Variants in HIVEP3 observed in about 807,000 individuals in gnomAD.
HIVEP3 encodes HIVEP zinc finger 3, also known as transcription factor HIVEP3.
A neutral mutation model predicts 152.8 loss-of-function variants in HIVEP3; 49 were observed. The observed-to-expected ratio is 0.32, with a 90% CI of 0.26 to 0.41. HIVEP3 has a LOEUF of 0.41. Among genes scored for constraint, HIVEP3 ranks in the 10% least tolerant of loss-of-function variants. The pLI is 1.00. For synonymous variants in HIVEP3, 1,269 were observed against 1,289.0 expected, an observed-to-expected ratio of 0.98 and a Z score of 0.33; for missense variants, 2,790 against 3,103.3, an observed-to-expected ratio of 0.90 and a Z score of 2.40.
intron 1 of HIVEP3, among the ~76,000 whole-genome samples, chr1:41,939,205 G>A (rs1645034407): frequency 3.3e-5 from 5 of 152,056 alleles, no homozygotes. Flanking sequence ...ATGGAAAGTT[G>A]ATCAATACAA....
At chr1:41,833,778 T>C (rs1047256943) in intron 1 of HIVEP3, among the ~76,000 whole-genome samples, 4 of 152,246 alleles carry the variant, frequency 2.6e-5, no homozygotes, top group Non-Finnish European at 5.9e-5. Context: ...CAAGTCATTC[T>C]GTGGGTGGTA....
chr1:41,639,179 A>C (rs1645333500), intron 2 of HIVEP3, among the ~76,000 whole-genome samples: 1 of 152,222 alleles, frequency 6.6e-6, no homozygotes, highest in African/African-American at 2.4e-5. Flanking sequence ...TGTGATCAAT[A>C]AGAAAACATG....
chr1:41,846,594 T>C (rs1206254641), intron 1 of HIVEP3, among the ~76,000 whole-genome samples: 2 of 152,262 alleles, frequency 1.3e-5, no homozygotes, highest in Non-Finnish European at 2.9e-5. Flanking sequence ...CAGAGGATTA[T>C]GTGATGTTTC....
At chr1:41,540,235 C>G (rs937982251) in intron 5 of HIVEP3, among the ~76,000 whole-genome samples, 2 of 152,222 alleles carry the variant, frequency 1.3e-5, no homozygotes, top group Non-Finnish European at 2.9e-5. Context: ...CAACCTGAGA[C>G]CTCGGTGTTC....
chr1:41,515,861 G>C (rs907006832), intron 7 of HIVEP3, among the ~76,000 whole-genome samples: 4 of 152,162 alleles, frequency 2.6e-5, no homozygotes, highest in African/African-American at 9.7e-5. Context: ...TTCAGCTCCT[G>C]TCATCCCATG....
chr1:41,509,201 A>G lies in HIVEP3; in HGVS notation c.*1250T>C, dbSNP rs1377857346. The G allele has an allele frequency of 6.6e-6, 1 of 152,196 alleles. No individual in the cohort carries two copies. The highest frequency in any genetic ancestry group is 1.5e-5 in the Non-Finnish European group (1 of 68,040). The allele number at this position is 152,196 out of a possible 1,614,324, so 9.4% of individuals were successfully genotyped here. ...AGAATCTGTGGTGGCTGGGTGAAGT[A>G]TCAAACACCATCCTCTCTCTTTTTA... On this transcript the variant is annotated 3_prime_UTR_variant, in exon 9 of 9. Coordinates refer to ENST00000372583, the MANE Select transcript of HIVEP3 (RefSeq NM_024503.5).
chr1:41,729,219 G>T (rs1646802685), intron 1 of HIVEP3, among the ~76,000 whole-genome samples: 1 of 152,236 alleles, frequency 6.6e-6, no homozygotes, highest in Admixed American at 6.5e-5. Context: ...GCACAGGGGT[G>T]ATCAGTAACC....
chr1:41,694,133 C>A (rs953694453), intron 2 of HIVEP3, among the ~76,000 whole-genome samples: 2 of 152,072 alleles, frequency 1.3e-5, no homozygotes, highest in African/African-American at 4.8e-5. Flanking sequence ...ATTTATAATA[C>A]CTTCTTCAGT....
chr1:41,749,910 T>C (rs1647133329), intron 1 of HIVEP3, among the ~76,000 whole-genome samples: 1 of 152,168 alleles, frequency 6.6e-6, no homozygotes, highest in African/African-American at 2.4e-5. Flanking sequence ...CTGCATGAAA[T>C]GTTACATGAG....
intron 5 of HIVEP3, among the ~76,000 whole-genome samples, chr1:41,540,566 C>T (rs1255042916): frequency 6.6e-6 from 1 of 152,156 alleles, no homozygotes; most frequent in Non-Finnish European, 1.5e-5. Flanking sequence ...ACAACAGGCA[C>T]CTTCTTACCC....
At chr1:42,030,875 T>C (rs1645609086) in intron 1 of HIVEP3, among the ~76,000 whole-genome samples, 2 of 152,200 alleles carry the variant, frequency 1.3e-5, no homozygotes, top group South Asian at 4.1e-4. Flanking sequence ...TTTTCTCCAT[T>C]TTTGTACATG....
Position 41,510,658 on chromosome 1 carries a change from C to G in HIVEP3, c.7014G>C (p.Pro2338=), listed in dbSNP as rs559361161. Residue 2338 remains proline (P), a synonymous_variant, in exon 9 of 9, where the codon CCG becomes CCC. Transcript: ENST00000372583. ...WSPRLESPRA[P]TNPEPSATPP... ...GGGTGGCAGAAGGCTCGGGGTTGGTCGGTGCACGCGGGGACTCCAAGCGGG... is the reference window on the plus strand; with the variant it reads ...GGGTGGCAGAAGGCTCGGGGTTGGTGGGTGCACGCGGGGACTCCAAGCGGG... 9.2e-5 allele frequency: 140 copies of G among 1,527,852 alleles called. 4 individuals carry two copies. In the Middle Eastern group the frequency reaches 1.2e-3, roughly 13 times the overall value. 94.6% of individuals were successfully genotyped at this position (1,527,852 alleles called of 1,614,324 possible).
chr1:41,938,069 CT>C (rs1031517636), intron 1 of HIVEP3, among the ~76,000 whole-genome samples: 12 of 152,192 alleles, frequency 7.9e-5, no homozygotes, highest in African/African-American at 2.9e-4. Context: ...ACATACTTTA[CT>C]TTCTGCATGG....
At position 41,918,188 on chromosome 1, in the gene HIVEP3, C is replaced by T. The variant is rs1395073327; in HGVS notation, c.-801+225G>A. Among the ~76,000 whole-genome samples, 1 of 142,220 alleles carries T rather than the reference C, an allele frequency of 7.0e-6. No homozygotes were observed. The highest frequency in any genetic ancestry group is 1.6e-5 in the Non-Finnish European group (1 of 62,702). 93.3% of individuals were successfully genotyped at this position (142,220 alleles called of 152,430 possible). A position where few individuals can be genotyped will look rare whatever the true frequency, so the allele number is the denominator to read the frequency against. On this transcript the variant is annotated intron_variant, in intron 1 of 8. Transcript: ENST00000372583. The surrounding 1 kb of genome is among the most constrained non-coding windows in gnomAD (Gnocchi z 4.3). ...CTCGCGCCGCTCCCCAGCACCAGGC[C>T]GAGCAGCGCGCTCAGCCCACCGGGG...
At position 41,753,670 on chromosome 1, in the gene HIVEP3, AAAATAAATAAAT is replaced by A. The variant is rs3064234; in HGVS notation, c.-800-52687_-800-52676del. Among the ~76,000 whole-genome samples, 272 of 141,068 alleles carry A rather than the reference AAAATAAATAAAT, an allele frequency of 1.9e-3. 2 individuals are homozygous for A. The highest frequency in any genetic ancestry group is 6.5e-3 in the African/African-American group (251 of 38,638). 92.5% of individuals were successfully genotyped at this position (141,068 alleles called of 152,430 possible). Reference sequence around the variant, plus strand: ...GACACAGGAGAGAAACGCCGTCTCAAAAATAAATAAATAAATAAATAAATAAATAAATAAATA... The same window carrying A: ...GACACAGGAGAGAAACGCCGTCTCAAAAATAAATAAATAAATAAATAAATA... On this transcript the variant is annotated intron_variant, in intron 1 of 8. Transcript: ENST00000372583.
rs1465098906 is a variant in HIVEP3 at position 41,510,479 on chromosome 1, G to A, written c.7193C>T (p.Pro2398Leu). 2.6e-6 allele frequency: 4 copies of A among 1,558,232 alleles called. No homozygotes were observed. The highest frequency in any genetic ancestry group is 3.5e-6 in the Non-Finnish European group (4 of 1,149,444). The part of the protein sequence containing the change: ...SGEPRAHPHQ[P>L]EDRVPPNA ...AGCGTTGGGGGGAACCCTGTCCTCA[G>A]GCTGATGTGGATGTGCCCTGGGCTC... The change falls in exon 9 of 9, where the codon CCT becomes CTT. Residue 2398 changes from proline to leucine, a missense_variant. Around this residue, in one of 9 missense-constraint regions of HIVEP3, gnomAD observed 816 missense variants for 806.5 expected, o/e 1.01. Coordinates refer to ENST00000372583, the MANE Select transcript of HIVEP3 (RefSeq NM_024503.5).
chr1:41,876,253 T>C (rs1409168551), intron 1 of HIVEP3, among the ~76,000 whole-genome samples: 5 of 152,168 alleles, frequency 3.3e-5, no homozygotes, highest in Non-Finnish European at 7.3e-5. Context: ...TTAAGCAATG[T>C]TTTGGGAGTC....
chr1:41,636,830 A>G (rs1194950044), intron 2 of HIVEP3, among the ~76,000 whole-genome samples: 1 of 152,128 alleles, frequency 6.6e-6, no homozygotes, highest in Non-Finnish European at 1.5e-5. Flanking sequence ...ATGGTGGCAC[A>G]TGCCTGTAAT....
At chr1:41,922,957 T>A (rs1206430712), upstream of HIVEP3, among the ~76,000 whole-genome samples, 2 of 152,146 alleles carry the variant, frequency 1.3e-5, no homozygotes, top group African/African-American at 2.4e-5. Context: ...GGATTTTTTT[T>A]AGGTTGAAAT....
Sources: allele counts gnomAD v4.1 joint callset (sites outside exome capture counted in the v4.1 genomes callset), GRCh38; gene constraint gnomAD v4.1.1; regional missense constraint gnomAD v4.1.1; non-coding constraint Gnocchi (gnomAD v3.1); transcripts MANE v1.5; gene names NCBI Gene and HGNC (gene_info 2026-07-23, HGNC 2026-07-21).